Variants in MARS1 observed in about 807,000 individuals in gnomAD.
MARS1 encodes the protein methionine--tRNA ligase, cytoplasmic.
A neutral mutation model predicts 119.5 loss-of-function variants in MARS1; 80 were observed. That is an observed-to-expected ratio of 0.67 (90% CI 0.56 to 0.81). The LOEUF is 0.81. MARS1 is among the 30% of genes least tolerant of loss of function. The pLI, the probability that MARS1 is intolerant of heterozygous loss-of-function variation, is 0.00. For missense variants in MARS1, 945 were observed against 1,116.5 expected (o/e 0.85, Z 2.19); for synonymous variants, 418 against 433.4 (o/e 0.96, Z 0.44).
chr12:57,512,071 C>A lies in MARS1; in HGVS notation c.1603C>A (p.Gln535Lys), dbSNP rs1250815477. ...GTCCATCACAGCCAACTACACAGAC[C>A]AGTGGGAGAGATGGTGGAAGAACCC... ...YLSITANYTDQWERWWKNPEQ... is the reference protein window; with the variant it reads ...YLSITANYTDKWERWWKNPEQ... Residue 535 changes from glutamine (Q) to lysine (K), a missense_variant, in exon 13 of 21, where the codon CAG becomes AAG. By Grantham distance (53) the Gln-to-Lys change is moderately conservative. Coordinates refer to ENST00000262027, the MANE Select transcript of MARS1 (RefSeq NM_004990.4). 1 of 1,614,104 alleles carries A rather than the reference C, an allele frequency of 6.2e-7. No individual in the cohort carries two copies. The highest frequency in any genetic ancestry group is 1.7e-5 in the Admixed American group (1 of 60,016).
At chr12:57,490,761 C>G (rs1875881790) in intron 7 of MARS1, 117 bp downstream of exon 7, 1 of 590,416 alleles carries the variant, frequency 1.7e-6, no homozygotes, top group Admixed American at 3.2e-5. Context: ...TTCATCCTCT[C>G]CTTTTAATTC....
intron 11 of MARS1, among the ~76,000 whole-genome samples, chr12:57,508,381 G>C (rs1877334129): frequency 6.6e-6 from 1 of 152,386 alleles, no homozygotes; most frequent in African/African-American, 2.4e-5. Flanking sequence ...ATTGAGCACT[G>C]AGTGAACGAG....
intron 4 of MARS1, 100 bp downstream of exon 4, chr12:57,489,658 C>A (rs916110723): frequency 1.3e-6 from 2 of 1,485,660 alleles, no homozygotes; most frequent in Non-Finnish European, 1.8e-6. Flanking sequence ...CTGCCACTTA[C>A]TAGTAGTGTA....
chr12:57,491,096 C>A (rs1437224685), intron 7 of MARS1, among the ~76,000 whole-genome samples: 2 of 152,062 alleles, frequency 1.3e-5, no homozygotes, highest in Non-Finnish European at 2.9e-5. Flanking sequence ...TGGTCTCGAA[C>A]TCCTGACCTC....
At chr12:57,504,146 CCTT>C in intron 10 of MARS1, 76 bp from the exon 11 acceptor site, 1 of 936,940 alleles carries the variant, frequency 1.1e-6, no homozygotes, top group Non-Finnish European at 1.8e-6. Context: ...AGGAGCTAAT[CCTT>C]CTCTGCTCCT....
In MARS1 at chr12:57,514,832, C is replaced by T. The variant is rs749844429; in HGVS notation, c.2080C>T (p.Gln694Ter). The T allele has an allele frequency of 6.2e-7, 1 of 1,614,066 alleles. No homozygotes were observed. ...HVTLELQHYHQLLEKVRIRDA... is the reference protein window; with the variant it reads ...HVTLELQHYH ...CACCCTGGAGCTCCAGCACTATCACCAGCTACTTGAGAAGGTTCGGTAAGT... is the reference window on the plus strand; with the variant it reads ...CACCCTGGAGCTCCAGCACTATCACTAGCTACTTGAGAAGGTTCGGTAAGT... The change falls in exon 16 of 21, where the codon CAG (glutamine) becomes TAG (stop). Residue 694 changes from glutamine (Q) to a stop codon, truncating the protein, a stop_gained. Coordinates refer to ENST00000262027, the MANE Select transcript of MARS1 (RefSeq NM_004990.4). LOFTEE classifies it high-confidence loss of function.
rs1380895656 is a variant in MARS1, at chr12:57,490,269, GCTGCAGAGA to G, written c.557_565del (p.Ala186_Thr188del). 1 of 1,613,702 alleles carries G rather than the reference GCTGCAGAGA, an allele frequency of 6.2e-7. No individual in the cohort carries two copies. Among genetic ancestry groups the G allele is most frequent in the Non-Finnish European group, 8.5e-7 (1 of 1,180,038 alleles). On this transcript the variant is annotated inframe_deletion, in exon 6 of 21. Transcript: ENST00000262027. ...GAGTACCCAGGAACCATGTCAGCGAGCTGCAGAGACTGTACTGAAACAGCAAGGTGTCCT... is the reference window on the plus strand; with the variant it reads ...GAGTACCCAGGAACCATGTCAGCGAGCTGTACTGAAACAGCAAGGTGTCCT...
intron 7 of MARS1, among the ~76,000 whole-genome samples, chr12:57,492,486 A>G (rs925531689): frequency 2.0e-5 from 3 of 151,948 alleles, no homozygotes; most frequent in East Asian, 1.9e-4. Flanking sequence ...CCTGGCCAAC[A>G]TAGCAAAACC....
intron 11 of MARS1, among the ~76,000 whole-genome samples, chr12:57,505,914 G>A (rs1387873882): frequency 2.0e-5 from 3 of 152,132 alleles, no homozygotes; most frequent in Non-Finnish European, 2.9e-5. Context: ...AGGGGTTTGA[G>A]ACCAGCCTGA....
In MARS1 at chr12:57,515,450, A is replaced by C. The variant is rs1371841722; in HGVS notation, c.2391+114A>C. On this transcript the variant is annotated intron_variant, in intron 18 of 20. Transcript: ENST00000262027. ...TGTTACTTTGGTCATGGGACTCCTA[A>C]GTTTCTGATATAAAGTCCTTGGTAG... is the stretch of plus-strand genomic sequence containing the variant. 33 of 1,003,928 alleles carry C rather than the reference A, an allele frequency of 3.3e-5. No individual in the cohort carries two copies. In the East Asian group the frequency reaches 7.3e-4, roughly 22 times the overall value. 62.2% of individuals were successfully genotyped at this position (1,003,928 alleles called of 1,614,324 possible).
At chr12:57,514,684 C>CT in intron 15 of MARS1, 36 bp from the exon 16 acceptor site, 3 of 1,613,270 alleles carry the variant, frequency 1.9e-6, no homozygotes, top group Non-Finnish European at 1.7e-6. Flanking sequence ...AACTTCCCCT[C>CT]TTTTTTCCAC....
chr12:57,498,831 G>A (rs763563385), intron 9 of MARS1, among the ~76,000 whole-genome samples: 23 of 152,184 alleles, frequency 1.5e-4, no homozygotes, highest in Admixed American at 5.2e-4. Context: ...GCAGCTGAGG[G>A]AGGGCAGAGA....
chr12:57,489,809 A>G (rs1875788223), intron 4 of MARS1, 87 bp from the exon 5 acceptor site: 2 of 1,255,280 alleles, frequency 1.6e-6, no homozygotes, highest in African/African-American at 1.5e-5. Flanking sequence ...TTGACATATA[A>G]AGTGCTCAGT....
At chr12:57,516,193 T>C (rs890978156) in intron 19 of MARS1, 52 bp from the exon 20 acceptor site, 11 of 1,535,690 alleles carry the variant, frequency 7.2e-6, no homozygotes, top group Admixed American at 3.3e-5. Flanking sequence ...TGTATAAAAC[T>C]GGAGGTTAGG....
intron 1 of MARS1, 83 bp from the exon 2 acceptor site, chr12:57,488,936 C>A: frequency 9.0e-7 from 1 of 1,109,272 alleles, no homozygotes; most frequent in Non-Finnish European, 1.4e-6. Flanking sequence ...ACTCACTGAA[C>A]AATGCAAGGT....
At position 57,489,990 on chromosome 12, in the gene MARS1, A is replaced by G. The variant is rs1489404514; in HGVS notation, c.490+19A>G. ...CTCCCTGGTGAGAACTGTGCATATCACTCCAACCCTAGGAGCTTGGTGTAG... is the reference window on the plus strand; with the variant it reads ...CTCCCTGGTGAGAACTGTGCATATCGCTCCAACCCTAGGAGCTTGGTGTAG... On this transcript the variant is annotated intron_variant, in intron 5 of 20. Transcript: ENST00000262027. 1.2e-6 allele frequency: 2 copies of G among 1,610,164 alleles called. No individual in the cohort carries two copies. Among genetic ancestry groups the G allele is most frequent in the Admixed American group, 1.7e-5 (1 of 59,992 alleles).
intron 11 of MARS1, among the ~76,000 whole-genome samples, chr12:57,509,326 C>T (rs911954122): frequency 6.6e-6 from 1 of 152,212 alleles, no homozygotes; most frequent in Non-Finnish European, 1.5e-5. Flanking sequence ...ATACCAAAAT[C>T]TAGGTGGTAG....
chr12:57,491,862 A>G (rs1171485356), intron 7 of MARS1, among the ~76,000 whole-genome samples: 1 of 152,224 alleles, frequency 6.6e-6, no homozygotes, highest in African/African-American at 2.4e-5. Context: ...CAGTCCCTGC[A>G]TGCTAGGAGC....
At chr12:57,514,024 C>T (rs1877649504) in intron 15 of MARS1, among the ~76,000 whole-genome samples, 1 of 140,558 alleles carries the variant, frequency 7.1e-6, no homozygotes, top group Non-Finnish European at 1.5e-5. Context: ...GATCATGCCA[C>T]TGTGCTCCAG....
Sources: allele counts gnomAD v4.1 joint callset (sites outside exome capture counted in the v4.1 genomes callset), GRCh38; gene constraint gnomAD v4.1.1; transcripts MANE v1.5; gene names NCBI Gene and HGNC (gene_info 2026-07-23, HGNC 2026-07-21).